Variants in NOS1AP observed in about 807,000 individuals in gnomAD.
The protein encoded by NOS1AP is carboxyl-terminal PDZ ligand of neuronal nitric oxide synthase protein.
Under a neutral mutation model 56.2 loss-of-function variants are expected in NOS1AP, and 21 were observed. The ratio of observed to expected loss-of-function variants is 0.37; its 90% CI spans 0.26 to 0.54. The LOEUF (loss-of-function observed/expected upper bound fraction) is 0.54. NOS1AP is among the 20% of genes least tolerant of loss of function. NOS1AP has a pLI of 0.84. For synonymous variants in NOS1AP, 270 were observed against 274.6 expected (o/e 0.98, Z 0.17); for missense variants, 522 against 657.8 (o/e 0.79, Z 2.26).
intron 2 of NOS1AP, among the ~76,000 whole-genome samples, chr1:162,200,530 G>C (rs375312795): frequency 1.3e-5 from 2 of 152,152 alleles, no homozygotes; most frequent in African/African-American, 4.8e-5. Flanking sequence ...ATTAGGGAGC[G>C]GAGAGGATTA....
At chr1:162,202,574 A>C (rs550542775) in intron 2 of NOS1AP, among the ~76,000 whole-genome samples, 1 of 152,180 alleles carries the variant, frequency 6.6e-6, no homozygotes, top group Admixed American at 6.5e-5. Flanking sequence ...AATGTGGGCC[A>C]TTAAGTTTAT....
At chr1:162,186,627 T>C (rs945202581) in intron 2 of NOS1AP, among the ~76,000 whole-genome samples, 1 of 152,116 alleles carries the variant, frequency 6.6e-6, no homozygotes, top group Non-Finnish European at 1.5e-5. Context: ...GGGATTAGTG[T>C]CCTTAGAAGA....
At chr1:162,328,590 A>T (rs1051006001) in intron 4 of NOS1AP, among the ~76,000 whole-genome samples, 3 of 152,210 alleles carry the variant, frequency 2.0e-5, no homozygotes, top group Non-Finnish European at 2.9e-5. Flanking sequence ...AGTGAGGTAC[A>T]GCACAATGAT....
chr1:162,256,087 T>C (rs1311344321), intron 2 of NOS1AP, among the ~76,000 whole-genome samples: 2 of 151,894 alleles, frequency 1.3e-5, no homozygotes, highest in African/African-American at 4.8e-5. Context: ...GAGGTTGCAT[T>C]GAGCCAAGAT....
At chr1:162,171,793 C>T (rs1480103378) in intron 2 of NOS1AP, among the ~76,000 whole-genome samples, 1 of 152,132 alleles carries the variant, frequency 6.6e-6, no homozygotes, top group Non-Finnish European at 1.5e-5. Context: ...CATCTCTTCT[C>T]TCTTGTCATG....
chr1:162,098,274 T>TA (rs1692295241), intron 1 of NOS1AP, among the ~76,000 whole-genome samples: 1 of 8,190 alleles, frequency 1.2e-4, no homozygotes. Context: ...GCCCGGCTAT[T>TA]GTTTGTATCT....
At chr1:162,236,677 G>T (rs1036261173) in intron 2 of NOS1AP, among the ~76,000 whole-genome samples, 33 of 152,170 alleles carry the variant, frequency 2.2e-4, no homozygotes, top group African/African-American at 7.2e-4. Flanking sequence ...GGTGGGGGAT[G>T]GGGGGGCAGG....
At chr1:162,194,378 C>T (rs999368853) in intron 2 of NOS1AP, among the ~76,000 whole-genome samples, 5 of 152,094 alleles carry the variant, frequency 3.3e-5, no homozygotes, top group African/African-American at 7.2e-5. Context: ...TGTGAGTTTG[C>T]GCTGGTTTGG....
intron 1 of NOS1AP, among the ~76,000 whole-genome samples, chr1:162,081,774 A>ATATTTATTTTTTTTTTTTT: frequency 2.3e-5 from 1 of 44,060 alleles, no homozygotes; most frequent in African/African-American, 7.7e-5. Context: ...ATATATATAT[A>ATATTTATTTTTTTTTTTTT]TTTTTTTTTT....
rs79068117 is a variant in NOS1AP, at chr1:162,074,089, C to A, written c.105+3807C>A. On this transcript the variant is annotated intron_variant, in intron 1 of 9. Transcript: ENST00000361897. Reference sequence around the variant, plus strand: ...TAGGTGATTTTTGATTTGCATTGGACTTCTACATACAAAGACTTTTCCTCT... The same window carrying A: ...TAGGTGATTTTTGATTTGCATTGGAATTCTACATACAAAGACTTTTCCTCT... Among the ~76,000 whole-genome samples the A allele has an allele frequency of 7.9e-3, 1,203 of 152,292 alleles. 16 individuals are homozygous for A. Among genetic ancestry groups the A allele is most frequent in the African/African-American group, 0.028 (1,148 of 41,544 alleles).
intron 1 of NOS1AP, among the ~76,000 whole-genome samples, chr1:162,128,345 A>G (rs529037739): frequency 1.3e-5 from 2 of 152,280 alleles, no homozygotes; most frequent in East Asian, 3.9e-4. Flanking sequence ...GTTTTTAAAA[A>G]TACTTTCTAT....
chr1:162,264,474 C>CTCTCCTCTCCTCTCCTCTCCTCT (rs1557855390), intron 2 of NOS1AP, among the ~76,000 whole-genome samples: 19 of 3,696 alleles, frequency 5.1e-3, no homozygotes, highest in African/African-American at 0.022. Context: ...TCCTCCCCTC[C>CTCTCCTCTCCTCTCCTCTCCTCT]CCTCCCCTCC....
intron 1 of NOS1AP, among the ~76,000 whole-genome samples, chr1:162,071,140 G>C (rs1184755773): frequency 6.6e-6 from 1 of 152,122 alleles, no homozygotes; most frequent in Non-Finnish European, 1.5e-5. Context: ...TTTTTCTGTG[G>C]AACAGTGTTC....
intron 4 of NOS1AP, among the ~76,000 whole-genome samples, chr1:162,319,720 C>T (rs1002639407): frequency 3.3e-5 from 5 of 152,100 alleles, no homozygotes. Flanking sequence ...CCTGAGAGCT[C>T]CTGCCAGATG....
intron 1 of NOS1AP, among the ~76,000 whole-genome samples, chr1:162,092,065 C>G (rs1571002809): frequency 6.6e-6 from 1 of 152,172 alleles, no homozygotes; most frequent in Non-Finnish European, 1.5e-5. Context: ...GTGACTAGTT[C>G]AAGGCTGTGG....
At chr1:162,320,074 C>G (rs72700136) in intron 4 of NOS1AP, among the ~76,000 whole-genome samples, 7,795 of 152,222 alleles carry the variant, frequency 0.051, 259 homozygotes, top group Middle Eastern at 0.14. Flanking sequence ...TGTCTGTACC[C>G]CCTGAGCTCC....
intron 2 of NOS1AP, among the ~76,000 whole-genome samples, chr1:162,177,349 T>C (rs534015049): frequency 7.9e-5 from 12 of 152,304 alleles, no homozygotes; most frequent in African/African-American, 2.9e-4. Flanking sequence ...GAGTGTTTGT[T>C]ACACAGAGTG....
intron 1 of NOS1AP, among the ~76,000 whole-genome samples, chr1:162,141,881 T>C (rs1649250883): frequency 6.6e-6 from 1 of 152,236 alleles, no homozygotes; most frequent in Non-Finnish European, 1.5e-5. Context: ...TTGGGTAATA[T>C]GATGGAGTCT....
chr1:162,224,691 C>G (rs1027567447), intron 2 of NOS1AP, among the ~76,000 whole-genome samples: 1 of 152,114 alleles, frequency 6.6e-6, no homozygotes, highest in Non-Finnish European at 1.5e-5. Flanking sequence ...CAGACTCATC[C>G]CCTGAGCCTG....
Sources: gnomAD v4.1 joint callset for allele counts (sites outside exome capture counted in the v4.1 genomes callset) on GRCh38, gnomAD v4.1.1 for gene constraint, MANE v1.5 for transcripts, NCBI Gene and HGNC (gene_info 2026-07-23, HGNC 2026-07-21) for gene names.